SSBP2: variants seen among roughly 807,000 people sequenced by gnomAD.
The protein encoded by SSBP2 is single-stranded DNA-binding protein 2.
A neutral mutation model predicts 61.8 loss-of-function variants in SSBP2; 17 were observed. The ratio of observed to expected loss-of-function variants is 0.28; its 90% confidence interval spans 0.19 to 0.41. The LOEUF (loss-of-function observed/expected upper bound fraction) is 0.41. SSBP2 is among the 10% of genes least tolerant of loss of function. The pLI is 1.00. For synonymous variants in SSBP2, 139 were observed against 141.3 expected (o/e 0.98, Z 0.12); for missense variants, 310 against 458.7 (o/e 0.68, Z 2.96).
At chr5:81,746,685 GAAAATTT>G (rs1252508599) in intron 1 of SSBP2, among the ~76,000 whole-genome samples, 1 of 152,014 alleles carries the variant, frequency 6.6e-6, no homozygotes, top group Non-Finnish European at 1.5e-5. Context: ...AACTAACATT[GAAAATTT>G]AAAAGCCAAA....
intron 1 of SSBP2, among the ~76,000 whole-genome samples, chr5:81,732,757 G>C (rs1053252765): frequency 3.9e-5 from 6 of 152,188 alleles, no homozygotes; most frequent in Admixed American, 3.9e-4. Context: ...TTTTGTGCAA[G>C]TGCACCTATA....
intron 15 of SSBP2, among the ~76,000 whole-genome samples, chr5:81,434,633 CAAAA>C (rs34269591): frequency 2.3e-5 from 1 of 43,018 alleles, no homozygotes; most frequent in South Asian, 1.4e-3. Flanking sequence ...ACTCTTGACT[CAAAA>C]AAAAAAAAAA....
chr5:81,517,515 T>C (rs1228305578), intron 4 of SSBP2, among the ~76,000 whole-genome samples: 1 of 151,988 alleles, frequency 6.6e-6, no homozygotes, highest in Non-Finnish European at 1.5e-5. Context: ...AACAATTATT[T>C]GTTTTCTCAA....
intron 1 of SSBP2, among the ~76,000 whole-genome samples, chr5:81,651,409 C>T (rs1180589067): frequency 6.6e-6 from 1 of 152,120 alleles, no homozygotes; most frequent in African/African-American, 2.4e-5. Context: ...AAAGCTTGTA[C>T]AAATTCAGTT....
chr5:81,721,239 A>G (rs1755523207), intron 1 of SSBP2, among the ~76,000 whole-genome samples: 1 of 152,118 alleles, frequency 6.6e-6, no homozygotes, highest in African/African-American at 2.4e-5. Context: ...GCTTCATACT[A>G]AGGCATCTAG....
At chr5:81,441,204 C>T (rs1763009760) in intron 13 of SSBP2, among the ~76,000 whole-genome samples, 1 of 152,216 alleles carries the variant, frequency 6.6e-6, no homozygotes, top group African/African-American at 2.4e-5. Context: ...CAATGACACT[C>T]AGAGGTTCCA....
chr5:81,506,155 T>C (rs1044081694), intron 5 of SSBP2, among the ~76,000 whole-genome samples: 38 of 152,146 alleles, frequency 2.5e-4, no homozygotes, highest in Admixed American at 7.9e-4. Context: ...GTTTTTTTAG[T>C]TGCTTTTATC....
intron 1 of SSBP2, among the ~76,000 whole-genome samples, chr5:81,709,006 GA>G (rs1176672164): frequency 1.3e-5 from 2 of 152,016 alleles, no homozygotes; most frequent in Non-Finnish European, 2.9e-5. Context: ...AAGGTTCACT[GA>G]AAGTAGTTTG....
intron 1 of SSBP2, among the ~76,000 whole-genome samples, chr5:81,714,917 G>A (rs1755070464): frequency 6.6e-6 from 1 of 151,792 alleles, no homozygotes; most frequent in Non-Finnish European, 1.5e-5. Context: ...CTTCTGCACA[G>A]TGAAAGAACT....
At chr5:81,563,615 TC>T (rs1200997921) in intron 4 of SSBP2, among the ~76,000 whole-genome samples, 5 of 152,106 alleles carry the variant, frequency 3.3e-5, no homozygotes, top group Non-Finnish European at 7.4e-5. Context: ...GCATATTCAG[TC>T]AACTGATACT....
intron 1 of SSBP2, among the ~76,000 whole-genome samples, chr5:81,749,371 T>C (rs1455102499): frequency 1.3e-5 from 2 of 152,212 alleles, no homozygotes; most frequent in African/African-American, 4.8e-5. Flanking sequence ...GGGAATTGAG[T>C]GTGTTGCTGC....
At chr5:81,699,180 G>C (rs1003078909) in intron 1 of SSBP2, among the ~76,000 whole-genome samples, 2 of 152,206 alleles carry the variant, frequency 1.3e-5, no homozygotes, top group Admixed American at 1.3e-4. Context: ...GTAATCCTTA[G>C]CTGGTGTAGG....
At chr5:81,541,620 G>C (rs1467624415) in intron 4 of SSBP2, among the ~76,000 whole-genome samples, 1 of 152,054 alleles carries the variant, frequency 6.6e-6, no homozygotes, top group Non-Finnish European at 1.5e-5. Context: ...AAAAGCTGCA[G>C]ACCTACAGCC....
chr5:81,511,919 T>G (rs1200020834), intron 5 of SSBP2, among the ~76,000 whole-genome samples: 2 of 152,016 alleles, frequency 1.3e-5, no homozygotes. Flanking sequence ...TACCGAGACT[T>G]TGAGATAAAA....
intron 1 of SSBP2, among the ~76,000 whole-genome samples, chr5:81,674,667 T>C (rs1751823819): frequency 6.6e-6 from 1 of 152,200 alleles, no homozygotes; most frequent in Non-Finnish European, 1.5e-5. Flanking sequence ...TTTATATTAA[T>C]TGAATCCTTT....
chr5:81,744,113 C>T (rs1234780248), intron 1 of SSBP2, among the ~76,000 whole-genome samples: 1 of 152,176 alleles, frequency 6.6e-6, no homozygotes, highest in Non-Finnish European at 1.5e-5. Context: ...TGAGATAATG[C>T]AGACAAGTGC....
chr5:81,565,953 A>G (rs1773389486), intron 4 of SSBP2, among the ~76,000 whole-genome samples: 1 of 152,322 alleles, frequency 6.6e-6, no homozygotes, highest in Admixed American at 6.5e-5. Context: ...AAAATATTCA[A>G]TTCAGAATAA....
At chr5:81,643,022 C>T (rs939197532) in intron 2 of SSBP2, among the ~76,000 whole-genome samples, 1 of 152,176 alleles carries the variant, frequency 6.6e-6, no homozygotes, top group Non-Finnish European at 1.5e-5. Flanking sequence ...CCATTCTATA[C>T]TTGGGGCTGG....
chr5:81,708,081 AT>A (rs1754521127), intron 1 of SSBP2, among the ~76,000 whole-genome samples: 1 of 152,136 alleles, frequency 6.6e-6, no homozygotes, highest in Non-Finnish European at 1.5e-5. Context: ...TTATCTGTTA[AT>A]TTTTAAAACT....
Sources: gnomAD v4.1 joint callset for allele counts (sites outside exome capture counted in the v4.1 genomes callset) on GRCh38, gnomAD v4.1.1 for gene constraint, MANE v1.5 for transcripts, NCBI Gene and HGNC (gene_info 2026-07-23, HGNC 2026-07-21) for gene names.